CT47C1: variants seen among roughly 807,000 people sequenced by gnomAD.
CT47C1 encodes cancer/testis antigen family 47 member A11 pseudogene.
the CT47C1 span, among the ~76,000 whole-genome samples, chrX:119,075,748 C>CTTTTTTTTTTTTTTTTTTTTTTT: frequency 1.3e-5 from 1 of 75,116 alleles, no homozygotes. Flanking sequence ...TTTTTTTTTG[C>CTTTTTTTTTTTTTTTTTTTTTTT]ATTTTCACAG....
chrX:119,073,584 C>A, the CT47C1 span: 1 of 532,889 alleles, frequency 1.9e-6, no homozygotes, highest in Admixed American at 2.6e-5. Context: ...CGTCGCTACC[C>A]CATAAGAGGC....
At chrX:119,073,835 G>T in the CT47C1 span, 4 of 880,290 alleles carry the variant, frequency 4.5e-6, no homozygotes, top group Non-Finnish European at 6.6e-6. Context: ...AGAGCCTGAG[G>T]TGCCAGCAGA....
At chrX:119,075,937 G>C in the CT47C1 span, among the ~76,000 whole-genome samples, 1 of 111,700 alleles carries the variant, frequency 9.0e-6, no homozygotes, top group Non-Finnish European at 1.9e-5. Flanking sequence ...CTGGTGCTAG[G>C]GAGACAAGGT....
chrX:119,074,999 C>A, the CT47C1 span: 4 of 1,067,878 alleles, frequency 3.7e-6, no homozygotes, highest in African/African-American at 7.4e-5. Flanking sequence ...GATGAAGAGG[C>A]CCAAGATGCT....
the CT47C1 span, chrX:119,073,675 T>C: frequency 1.7e-6 from 1 of 599,507 alleles, no homozygotes; most frequent in East Asian, 3.4e-5. Context: ...TCAGGATGCG[T>C]GGCGGCCGCC....
chrX:119,074,811 T>C, the CT47C1 span: 2,694 of 731,248 alleles, frequency 3.7e-3, 44 homozygotes, highest in African/African-American at 0.048. Flanking sequence ...TGAAAACCAG[T>C]AGGAAGGTGC....
At chrX:119,073,742 C>T in the CT47C1 span, 8 of 780,750 alleles carry the variant, frequency 1.0e-5, no homozygotes, top group Non-Finnish European at 1.5e-5. Flanking sequence ...CCGGCTGTTG[C>T]TGGTGCATGA....
At chrX:119,073,479 A>C in the CT47C1 span, 1 of 511,752 alleles carries the variant, frequency 2.0e-6, no homozygotes, top group Middle Eastern at 3.2e-4. Flanking sequence ...ATAGTAGTGG[A>C]GATGGTGGAG....
chrX:119,074,728 A>G, the CT47C1 span, among the ~76,000 whole-genome samples: 1 of 110,834 alleles, frequency 9.0e-6, no homozygotes, highest in African/African-American at 3.3e-5. Context: ...TGGGAGATTT[A>G]CTGGAAAAAA....
chrX:119,075,149 C>T, the CT47C1 span: 2 of 1,054,444 alleles, frequency 1.9e-6, no homozygotes, highest in Non-Finnish European at 2.6e-6. Flanking sequence ...CTCAACTATT[C>T]CTGGCATTTA....
the CT47C1 span, chrX:119,074,116 G>C: frequency 5.0e-5 from 24 of 484,514 alleles, no homozygotes; most frequent in Non-Finnish European, 7.9e-5. Context: ...GGGAGACAGG[G>C]ACCCGTGCAC....
At chrX:119,073,360 C>A in the CT47C1 span, 1 of 534,423 alleles carries the variant, frequency 1.9e-6, no homozygotes, top group South Asian at 2.5e-5. Flanking sequence ...ACACTGTGGC[C>A]GGAGTCGCAG....
the CT47C1 span, chrX:119,073,082 T>A: frequency 8.7e-6 from 3 of 345,948 alleles, no homozygotes; most frequent in South Asian, 3.2e-4. Flanking sequence ...CAGACTTTTA[T>A]TCCCTCAGTA....
At chrX:119,073,234 C>A in the CT47C1 span, 2 of 481,838 alleles carry the variant, frequency 4.2e-6, no homozygotes, top group Non-Finnish European at 7.3e-6. Context: ...TCATGTCTGC[C>A]ACAGGGGATC....
At chrX:119,073,293 C>T in the CT47C1 span, 33 of 503,634 alleles carry the variant, frequency 6.6e-5, no homozygotes, top group South Asian at 1.4e-4. Context: ...CAGGAGGGAG[C>T]GCAGGCCGAG....
At chrX:119,074,244 A>T in the CT47C1 span, among the ~76,000 whole-genome samples, 71 of 111,715 alleles carry the variant, frequency 6.4e-4, no homozygotes, top group African/African-American at 2.2e-3. Flanking sequence ...TTAAGGCCAA[A>T]TGTGTACCAA....
chrX:119,073,436 G>A, the CT47C1 span: 1 of 517,786 alleles, frequency 1.9e-6, no homozygotes, highest in South Asian at 2.5e-5. Context: ...AGCCCCCGGG[G>A]GTGGGAACGC....
At chrX:119,073,673 C>A in the CT47C1 span, 1 of 586,016 alleles carries the variant, frequency 1.7e-6, no homozygotes, top group Non-Finnish European at 2.8e-6. Flanking sequence ...GATCAGGATG[C>A]GTGGCGGCCG....
chrX:119,073,712 C>G, the CT47C1 span: 1 of 715,123 alleles, frequency 1.4e-6, no homozygotes, highest in Non-Finnish European at 2.1e-6. Flanking sequence ...CACTGCGGCG[C>G]CCAGTGGCTC....
Sources: allele counts gnomAD v4.1 joint callset (sites outside exome capture counted in the v4.1 genomes callset), GRCh38; gene constraint gnomAD v4.1.1; transcripts MANE v1.5; gene names NCBI Gene and HGNC (gene_info 2026-07-23, HGNC 2026-07-21).